The following MAST4 variants were observed in gnomAD, a reference collection of about 807,000 sequenced individuals.
MAST4 encodes microtubule-associated serine/threonine-protein kinase 4.
MAST4 carries 89 observed loss-of-function variants against 162.7 expected under a neutral mutation model. That is an observed-to-expected ratio of 0.55 (90% CI 0.46 to 0.65). MAST4 has a LOEUF of 0.65. MAST4 is among the 30% of genes least tolerant of loss of function. The probability of loss-of-function intolerance (pLI) is 0.00; values close to 1 mark genes in which losing one functional copy is unlikely to be tolerated. For missense variants in MAST4, 3,153 were observed against 3,374.0 expected (o/e 0.93, Z 1.62); for synonymous variants, 1,479 against 1,361.1 (o/e 1.09, Z -1.91).
intron 1 of MAST4, among the ~76,000 whole-genome samples, chr5:66,660,858 A>G (rs1044166011): frequency 6.6e-6 from 1 of 152,166 alleles, no homozygotes; most frequent in Non-Finnish European, 1.5e-5. Flanking sequence ...GGATTTCCCA[A>G]CTCCTGTGTG....
intron 3 of MAST4, among the ~76,000 whole-genome samples, chr5:66,866,074 CAA>C (rs57347322): frequency 7.8e-5 from 9 of 115,714 alleles, no homozygotes; most frequent in Admixed American, 1.9e-4. Context: ...ATCTCCATCT[CAA>C]AAAAAAAAAA....
chr5:67,061,584 CT>C (rs200711899), intron 5 of MAST4, among the ~76,000 whole-genome samples: 68 of 150,028 alleles, frequency 4.5e-4, no homozygotes, highest in Non-Finnish European at 8.4e-4. Flanking sequence ...AACTGTCAGT[CT>C]TTTTTTTATT....
At chr5:67,014,103 T>C (rs952490370) in intron 4 of MAST4, among the ~76,000 whole-genome samples, 1 of 152,162 alleles carries the variant, frequency 6.6e-6, no homozygotes, top group Non-Finnish European at 1.5e-5. Context: ...AGATTTTTTT[T>C]TTTTCCATGT....
chr5:67,049,058 T>TATATATAC (rs1284835940), intron 4 of MAST4, among the ~76,000 whole-genome samples: 68 of 105,876 alleles, frequency 6.4e-4, no homozygotes, highest in African/African-American at 2.2e-3. Context: ...TATATATATA[T>TATATATAC]ACGTATATAT....
Position 67,054,478 on chromosome 5 carries a change from T to C in MAST4, c.749T>C (p.Leu250Pro), listed in dbSNP as rs767350676. The change falls in exon 5 of 29, where the codon CTC becomes CCC. Residue 250 changes from leucine to proline, a missense_variant. Leu to Pro is a moderately conservative substitution (Grantham distance 98, BLOSUM62 -3). This residue lies in a region of MAST4 where 360 missense variants were observed against 450.0 expected (regional missense o/e 0.80). Transcript: ENST00000403625. The stretch of plus-strand genomic sequence containing the variant: ...GCATTGCCTCGACCACACTCACCTC[T>C]CTCTGCTCATGCAGGTAATTGGTTA... ...SPALPRPHSP[L>P]SAHAGNSPQD... 3.1e-6 allele frequency: 5 copies of C among 1,609,994 alleles called. No individual in the cohort carries two copies. Among genetic ancestry groups the C allele is most frequent in the South Asian group, 2.2e-5 (2 of 89,984 alleles).
chr5:66,755,318 T>C (rs746700585), intron 1 of MAST4, among the ~76,000 whole-genome samples: 1 of 152,182 alleles, frequency 6.6e-6, no homozygotes, highest in African/African-American at 2.4e-5. Flanking sequence ...TTTACTGAAA[T>C]TGGAAAAAGC....
chr5:67,075,433 C>T (rs541674414), intron 5 of MAST4, among the ~76,000 whole-genome samples: 1 of 152,150 alleles, frequency 6.6e-6, no homozygotes, highest in South Asian at 2.1e-4. Flanking sequence ...ACCTCAGCCT[C>T]CCAAAGTGCT....
intron 4 of MAST4, among the ~76,000 whole-genome samples, chr5:66,999,052 G>A (rs1453963712): frequency 6.6e-6 from 1 of 152,190 alleles, no homozygotes; most frequent in African/African-American, 2.4e-5. Flanking sequence ...CTTGGGTGGA[G>A]GCCAGTGCTC....
At chr5:66,793,992 A>C (rs1755537275) in intron 3 of MAST4, among the ~76,000 whole-genome samples, 1 of 152,192 alleles carries the variant, frequency 6.6e-6, no homozygotes. Context: ...TGCCTGGCAC[A>C]TAGTAGGGTG....
chr5:66,766,211 T>C (rs1169165068), intron 2 of MAST4, among the ~76,000 whole-genome samples: 1 of 152,196 alleles, frequency 6.6e-6, no homozygotes, highest in East Asian at 1.9e-4. Context: ...ACAGCTGTGA[T>C]GTATGTTACA....
chr5:67,074,374 G>T (rs1761345146), intron 5 of MAST4, among the ~76,000 whole-genome samples: 1 of 152,070 alleles, frequency 6.6e-6, no homozygotes, highest in South Asian at 2.1e-4. Context: ...TTAGCGAGCA[G>T]CTTGATACTT....
intron 2 of MAST4, among the ~76,000 whole-genome samples, chr5:66,762,573 G>A (rs937119000): frequency 2.0e-5 from 3 of 152,210 alleles, no homozygotes; most frequent in Non-Finnish European, 4.4e-5. Context: ...GGAGCACAGA[G>A]AAGACAGCAT....
At chr5:66,817,563 TATTA>T (rs1756791954) in intron 3 of MAST4, among the ~76,000 whole-genome samples, 1 of 152,218 alleles carries the variant, frequency 6.6e-6, no homozygotes, top group Admixed American at 6.5e-5. Flanking sequence ...ACTTAAAGAA[TATTA>T]ATTTATCTAA....
chr5:66,898,465 A>G (rs1428975023), intron 3 of MAST4, among the ~76,000 whole-genome samples: 1 of 147,168 alleles, frequency 6.8e-6, no homozygotes, highest in Non-Finnish European at 1.5e-5. Flanking sequence ...TTCCCAAGGA[A>G]AACTGTCTTG....
chr5:66,819,324 A>G (rs992906912), intron 3 of MAST4, among the ~76,000 whole-genome samples: 43 of 152,220 alleles, frequency 2.8e-4, no homozygotes, highest in Admixed American at 5.2e-4. Context: ...TGGCTGCTCA[A>G]TATTGGTGAA....
chr5:66,915,835 TG>T (rs1474568261), intron 4 of MAST4, among the ~76,000 whole-genome samples: 1 of 152,234 alleles, frequency 6.6e-6, no homozygotes, highest in Non-Finnish European at 1.5e-5. Flanking sequence ...AGTGTCCGCC[TG>T]AGGTTTCCAG....
chr5:66,726,526 T>C (rs1751530070), intron 1 of MAST4, among the ~76,000 whole-genome samples: 1 of 152,100 alleles, frequency 6.6e-6, no homozygotes, highest in Non-Finnish European at 1.5e-5. Context: ...GTGAAGTACC[T>C]GGTACACCAT....
intron 1 of MAST4, among the ~76,000 whole-genome samples, chr5:66,730,375 T>G (rs1751766411): frequency 6.6e-6 from 1 of 152,182 alleles, no homozygotes; most frequent in Non-Finnish European, 1.5e-5. Flanking sequence ...AATTTATACA[T>G]TCCCCCCAAC....
chr5:67,060,179 G>T (rs1018473784), intron 5 of MAST4, among the ~76,000 whole-genome samples: 1 of 152,050 alleles, frequency 6.6e-6, no homozygotes, highest in Non-Finnish European at 1.5e-5. Context: ...CTCTTTTTGA[G>T]CCATACATGA....
Sources: allele counts gnomAD v4.1 joint callset (sites outside exome capture counted in the v4.1 genomes callset), GRCh38; gene constraint gnomAD v4.1.1; regional missense constraint gnomAD v4.1.1; transcripts MANE v1.5; gene names NCBI Gene and HGNC (gene_info 2026-07-23, HGNC 2026-07-21).